The following TPTE variants were observed in gnomAD, a reference collection of about 807,000 sequenced individuals.
TPTE encodes putative tyrosine-protein phosphatase TPTE.
TPTE carries 59 observed loss-of-function variants against 84.1 expected under a neutral mutation model. The observed-to-expected ratio is 0.70, with a 90% CI of 0.57 to 0.87. TPTE has a LOEUF of 0.87. Among genes scored for constraint, TPTE ranks in the 40% least tolerant of loss-of-function variants. The pLI is 0.00. For synonymous variants in TPTE, 130 were observed against 223.5 expected, an observed-to-expected ratio of 0.58 and a Z score of 3.73; for missense variants, 382 against 659.6, an observed-to-expected ratio of 0.58 and a Z score of 4.61.
intron 15 of TPTE, 124 bp downstream of exon 15, chr21:10,577,644 T>TA (rs2075184809): frequency 1.3e-6 from 2 of 1,562,468 alleles, no homozygotes; most frequent in Middle Eastern, 1.8e-4. Flanking sequence ...GGAATGAATT[T>TA]AAAAATCCCC....
chr21:10,547,649 CTT>C (rs1181513652), intron 7 of TPTE, among the ~76,000 whole-genome samples: 1 of 152,308 alleles, frequency 6.6e-6, no homozygotes, highest in Non-Finnish European at 1.5e-5. Flanking sequence ...AGAGTCATCT[CTT>C]GAGTGTGCCC....
intron 17 of TPTE, among the ~76,000 whole-genome samples, chr21:10,583,202 G>A (rs986087611): frequency 2.6e-5 from 4 of 152,304 alleles, no homozygotes; most frequent in African/African-American, 9.6e-5. Flanking sequence ...TACTCCACTG[G>A]TATTGTAGAC....
chr21:10,535,826 G>A (rs933075811), intron 3 of TPTE, among the ~76,000 whole-genome samples: 6 of 152,422 alleles, frequency 3.9e-5, no homozygotes, highest in African/African-American at 1.4e-4. Context: ...ATTTTGTAGG[G>A]AGTTCCTGAC....
chr21:10,556,861 T>A (rs2074694292), intron 8 of TPTE, among the ~76,000 whole-genome samples: 1 of 152,308 alleles, frequency 6.6e-6, no homozygotes, highest in African/African-American at 2.4e-5. Flanking sequence ...TGTCTGTTCA[T>A]ATCCTTTGCC....
At chr21:10,551,411 T>G (rs143465607) in intron 7 of TPTE, among the ~76,000 whole-genome samples, 673 of 152,136 alleles carry the variant, frequency 4.4e-3, no homozygotes, top group Non-Finnish European at 7.4e-3. Flanking sequence ...ATTGTGCATA[T>G]GTACCCTAGA....
chr21:10,522,457 G>GAGGGGGGACGTCGGCGT, intron 1 of TPTE, among the ~76,000 whole-genome samples: 1 of 152,310 alleles, frequency 6.6e-6, no homozygotes. Context: ...GGCGCGGGCG[G>GAGGGGGGACGTCGGCGT]AGGGGGGACG....
chr21:10,525,450 A>T (rs2074061283), intron 2 of TPTE, among the ~76,000 whole-genome samples: 1 of 152,310 alleles, frequency 6.6e-6, no homozygotes, highest in African/African-American at 2.4e-5. Context: ...TTGAGAATGA[A>T]GCTTTCATGC....
chr21:10,601,627 G>A (rs1187390454), intron 21 of TPTE, among the ~76,000 whole-genome samples: 1 of 152,310 alleles, frequency 6.6e-6, no homozygotes, highest in Non-Finnish European at 1.5e-5. Context: ...ACCCAGGTGG[G>A]CAGATCACTT....
chr21:10,546,017 A>AT (rs1173644946), intron 7 of TPTE, among the ~76,000 whole-genome samples: 2 of 152,300 alleles, frequency 1.3e-5, no homozygotes, highest in African/African-American at 2.4e-5. Context: ...GTGTATATGC[A>AT]GGTATATCTT....
chr21:10,583,491 T>C (rs1827999), intron 17 of TPTE, among the ~76,000 whole-genome samples: 12,999 of 136,316 alleles, frequency 0.095, no homozygotes, highest in African/African-American at 0.26. Context: ...TTATTGGTCA[T>C]AAATGTATTT....
At position 10,541,878 on chromosome 21, in the gene TPTE, T is replaced by A. The variant is rs553688143; in HGVS notation, c.66-517T>A. On this transcript the variant is annotated intron_variant, in intron 5 of 23. Coordinates refer to ENST00000618007, the MANE Select transcript of TPTE (RefSeq NM_199261.4). ...AACAGAGCTATGAGCCTTGGAGGTG[T>A]TCACCACCCTCCAGAACCCTGCCAC... is the stretch of plus-strand genomic sequence containing the variant. Among the ~76,000 whole-genome samples, 11 of 152,422 alleles carry A rather than the reference T, an allele frequency of 7.2e-5. No individual in the cohort carries two copies. In the East Asian group the frequency reaches 1.7e-3, roughly 24 times the overall value.
chr21:10,603,448 A>G, intron 22 of TPTE, 114 bp from the exon 23 acceptor site: 1 of 1,111,544 alleles, frequency 9.0e-7, no homozygotes, highest in Non-Finnish European at 1.3e-6. Flanking sequence ...CCACATATTT[A>G]ATGGTTATAA....
chr21:10,557,231 G>A (rs1331631098), intron 8 of TPTE, among the ~76,000 whole-genome samples: 15 of 152,300 alleles, frequency 9.8e-5, no homozygotes, highest in African/African-American at 3.4e-4. Flanking sequence ...TGTTGCTCCC[G>A]AGTGTGAACA....
intron 8 of TPTE, among the ~76,000 whole-genome samples, chr21:10,554,388 T>C (rs1439853998): frequency 6.6e-6 from 1 of 152,122 alleles, no homozygotes; most frequent in Non-Finnish European, 1.5e-5. Flanking sequence ...ATTGTGACGC[T>C]ATTGATATTG....
At chr21:10,553,319 C>G (rs1272908932) in intron 8 of TPTE, among the ~76,000 whole-genome samples, 472 of 152,216 alleles carry the variant, frequency 3.1e-3, no homozygotes, top group African/African-American at 0.01. Context: ...CTGCTTCTTT[C>G]TTGCCCAGTT....
In TPTE at chr21:10,538,659, A is replaced by C. The variant is rs469961; in HGVS notation, c.-43-22A>C. The C allele has an allele frequency of 7.4e-6, 12 of 1,611,460 alleles. No homozygotes were observed. The East Asian group carries it at 2.5e-4, about 33-fold the overall frequency. ...TTTGAATTGTGTCTCCTGTCTGACT[A>C]TATTCTTTTGACATCCTCTAGTCCA... On this transcript the variant is annotated intron_variant, in intron 3 of 23. Transcript: ENST00000618007.
intron 14 of TPTE, among the ~76,000 whole-genome samples, chr21:10,572,619 AAAC>A (rs2075068454): frequency 6.6e-6 from 1 of 152,424 alleles, no homozygotes; most frequent in African/African-American, 2.4e-5. Flanking sequence ...AGGAAAAAAA[AAAC>A]AACTGTCAAC....
At chr21:10,541,650 T>C (rs972993300) in intron 5 of TPTE, among the ~76,000 whole-genome samples, 13 of 152,422 alleles carry the variant, frequency 8.5e-5, no homozygotes, top group African/African-American at 2.6e-4. Flanking sequence ...TTACATTGTT[T>C]AGAAAAAAAG....
chr21:10,566,257 G>A (rs1482926439), intron 10 of TPTE, among the ~76,000 whole-genome samples: 3 of 152,312 alleles, frequency 2.0e-5, no homozygotes, highest in Admixed American at 2.0e-4. Context: ...AGAGATGCTT[G>A]ACATGATTGA....
Sources: gnomAD v4.1 joint callset for allele counts (sites outside exome capture counted in the v4.1 genomes callset) on GRCh38, gnomAD v4.1.1 for gene constraint, MANE v1.5 for transcripts, NCBI Gene and HGNC (gene_info 2026-07-23, HGNC 2026-07-21) for gene names.